AGBL4: variants seen among roughly 807,000 people sequenced by gnomAD.
The protein encoded by AGBL4 is AGBL carboxypeptidase 4.
AGBL4 carries 58 observed loss-of-function variants against 66.4 expected under a neutral mutation model. The ratio of observed to expected loss-of-function variants is 0.87; its 90% CI spans 0.71 to 1.09. AGBL4 has a LOEUF of 1.09. Among genes scored for constraint, AGBL4 ranks in the 50% least tolerant of loss-of-function variants. The pLI is 0.00. For missense variants in AGBL4, 579 were observed against 631.0 expected, an observed-to-expected ratio of 0.92 and a Z score of 0.88; for synonymous variants, 234 against 222.9, an observed-to-expected ratio of 1.05 and a Z score of -0.44.
chr1:49,782,083 T>C (rs1571554634), intron 2 of AGBL4, among the ~76,000 whole-genome samples: 1 of 151,158 alleles, frequency 6.6e-6, no homozygotes. Flanking sequence ...CAAACTAATC[T>C]AAAGCAAGCA....
intron 3 of AGBL4, among the ~76,000 whole-genome samples, chr1:49,572,353 T>C (rs145525127): frequency 0.011 from 1,663 of 152,328 alleles, 10 homozygotes; most frequent in Non-Finnish European, 0.017. Flanking sequence ...GTTCATGACA[T>C]ACAATTCTTT....
chr1:48,751,633 T>C (rs75632067), intron 6 of AGBL4, among the ~76,000 whole-genome samples: 1 of 152,322 alleles, frequency 6.6e-6, no homozygotes, highest in African/African-American at 2.4e-5. Flanking sequence ...CTCCATTTCC[T>C]GCCTGGCAAA....
chr1:48,837,709 CACTATATATATATATATA>C (rs1558030108), intron 6 of AGBL4, among the ~76,000 whole-genome samples: 4 of 75,064 alleles, frequency 5.3e-5, no homozygotes, highest in Admixed American at 4.4e-4. Flanking sequence ...CACACACACA[CACTATATATATATATATA>C]TATATATATA....
chr1:49,511,340 T>C (rs894984211), intron 3 of AGBL4, among the ~76,000 whole-genome samples: 8 of 150,854 alleles, frequency 5.3e-5, no homozygotes, highest in South Asian at 2.1e-4. Context: ...TCATTCTCAG[T>C]AAACTATCGC....
chr1:49,550,177 T>C (rs1411434123), intron 3 of AGBL4, among the ~76,000 whole-genome samples: 1 of 152,138 alleles, frequency 6.6e-6, no homozygotes. Context: ...TCCTTACATG[T>C]TAGGTGAGTC....
intron 11 of AGBL4, among the ~76,000 whole-genome samples, chr1:48,559,661 T>C (rs1374775870): frequency 1.3e-5 from 2 of 152,208 alleles, no homozygotes; most frequent in African/African-American, 4.8e-5. Context: ...CTGTGGCTGC[T>C]AGAGAATGAA....
chr1:49,401,158 C>A (rs1255776284), intron 3 of AGBL4, among the ~76,000 whole-genome samples: 1 of 152,092 alleles, frequency 6.6e-6, no homozygotes, highest in African/African-American at 2.4e-5. Flanking sequence ...CTGGGGAGGT[C>A]TGAGGAAACT....
At chr1:49,104,450 T>C (rs533105624) in intron 4 of AGBL4, among the ~76,000 whole-genome samples, 1 of 152,336 alleles carries the variant, frequency 6.6e-6, no homozygotes, top group African/African-American at 2.4e-5. Flanking sequence ...AGCACGAGGA[T>C]GTAGAAGATG....
chr1:48,984,977 G>A (rs1053915156), intron 5 of AGBL4, among the ~76,000 whole-genome samples: 2 of 152,020 alleles, frequency 1.3e-5, no homozygotes, highest in African/African-American at 4.8e-5. Flanking sequence ...TCCAGCAAGA[G>A]GGACTTACGA....
chr1:49,371,250 TAC>T (rs1644337915), intron 3 of AGBL4, among the ~76,000 whole-genome samples: 9 of 97,268 alleles, frequency 9.3e-5, no homozygotes. Context: ...GATAGATAGA[TAC>T]ATACATACAT....
At chr1:49,930,956 T>A (rs1457348042) in intron 1 of AGBL4, among the ~76,000 whole-genome samples, 1 of 152,044 alleles carries the variant, frequency 6.6e-6, no homozygotes, top group Non-Finnish European at 1.5e-5. Context: ...AAAATAGAAC[T>A]TAAAACTGTC....
intron 5 of AGBL4, among the ~76,000 whole-genome samples, chr1:49,044,495 CAA>C (rs374315609): frequency 7.3e-6 from 1 of 137,780 alleles, no homozygotes. Flanking sequence ...GACTCCATCT[CAA>C]AAAAAAAAAG....
chr1:48,879,203 A>T lies in AGBL4; in HGVS notation c.595-11973T>A, dbSNP rs1359006599. ...AAGCAAATGTGTTCAGTATAAAAAA[A>T]AAAAAAAGACAAAAATGTTATTTTC... On this transcript the variant is annotated intron_variant, in intron 5 of 13. Coordinates refer to ENST00000371839, the MANE Select transcript of AGBL4 (RefSeq NM_032785.4). Among the ~76,000 whole-genome samples the T allele has an allele frequency of 5.3e-5, 8 of 152,194 alleles. No homozygotes were observed. In the South Asian group the frequency reaches 1.7e-3, roughly 31 times the overall value.
intron 1 of AGBL4, among the ~76,000 whole-genome samples, chr1:49,983,395 C>A (rs1659237618): frequency 6.6e-6 from 1 of 152,244 alleles, no homozygotes; most frequent in Non-Finnish European, 1.5e-5. Context: ...GTGCTGCCTG[C>A]CCCACTGCAG....
chr1:49,482,464 G>C (rs1646975870), intron 3 of AGBL4, among the ~76,000 whole-genome samples: 1 of 151,894 alleles, frequency 6.6e-6, no homozygotes, highest in African/African-American at 2.4e-5. Flanking sequence ...TTTCTGTGGG[G>C]TCAGTGGTAA....
chr1:49,310,033 A>T (rs193166549), intron 3 of AGBL4, among the ~76,000 whole-genome samples: 2 of 152,186 alleles, frequency 1.3e-5, no homozygotes, highest in Admixed American at 1.3e-4. Flanking sequence ...ATTTAAATGG[A>T]GGAATTGGGT....
At chr1:50,019,302 T>TCACACACACA (rs1293363873) in intron 1 of AGBL4, among the ~76,000 whole-genome samples, 158 of 70,784 alleles carry the variant, frequency 2.2e-3, no homozygotes, top group African/African-American at 6.5e-3. Flanking sequence ...TCTCTCTCTC[T>TCACACACACA]CTCTCACACA....
At chr1:49,203,034 G>A (rs1283099119) in intron 4 of AGBL4, among the ~76,000 whole-genome samples, 1 of 145,480 alleles carries the variant, frequency 6.9e-6, no homozygotes, top group African/African-American at 2.5e-5. Flanking sequence ...TCAGAAAAAT[G>A]CAAATCAAAA....
At chr1:49,425,164 G>A (rs933093180) in intron 3 of AGBL4, among the ~76,000 whole-genome samples, 6 of 152,090 alleles carry the variant, frequency 3.9e-5, no homozygotes, top group African/African-American at 9.7e-5. Context: ...GTTTATGTAC[G>A]AAGAAAACTT....
Sources: gnomAD v4.1 joint callset for allele counts (sites outside exome capture counted in the v4.1 genomes callset) on GRCh38, gnomAD v4.1.1 for gene constraint, MANE v1.5 for transcripts, NCBI Gene and HGNC (gene_info 2026-07-23, HGNC 2026-07-21) for gene names.